The following SHLD1 variants were observed in gnomAD, a reference collection of about 807,000 sequenced individuals.
SHLD1 encodes the protein RINN1-REV7-interacting novel NHEJ regulator 3.
In SHLD1, 3 loss-of-function variants were observed where a neutral mutation model predicts 5.5. The observed-to-expected ratio is 0.54, with a 90% CI of 0.25 to 1.40. The LOEUF (loss-of-function observed/expected upper bound fraction) is 1.40, where lower values mean the gene tolerates loss of function less well. Ranked by LOEUF, SHLD1 falls within the 40% of genes most tolerant of loss-of-function variation. The pLI is 0.15. For missense variants in SHLD1, 210 were observed against 244.4 expected (o/e 0.86, Z 0.94); for synonymous variants, 92 against 94.3 (o/e 0.98, Z 0.14).
At chr20:5,834,336 G>A (rs1395093577) in intron 2 of SHLD1, among the ~76,000 whole-genome samples, 1 of 152,120 alleles carries the variant, frequency 6.6e-6, no homozygotes, top group Admixed American at 6.6e-5. Context: ...AGAGAAATTA[G>A]CATGTGTGAC....
intron 2 of SHLD1, among the ~76,000 whole-genome samples, chr20:5,789,576 TAAAAAA>T (rs58405557): frequency 3.5e-5 from 4 of 113,352 alleles, no homozygotes; most frequent in Admixed American, 9.2e-5. Flanking sequence ...AAACTTGATC[TAAAAAA>T]AAAAAAAAAA....
intron 2 of SHLD1, among the ~76,000 whole-genome samples, chr20:5,852,838 T>TCAAG (rs2088029841): frequency 1.3e-5 from 2 of 152,232 alleles, no homozygotes; most frequent in Non-Finnish European, 2.9e-5. Context: ...TATGTCAGTC[T>TCAAG]TTAGGAAATA....
At chr20:5,782,138 C>A (rs1381196352) in intron 2 of SHLD1, among the ~76,000 whole-genome samples, 1 of 152,158 alleles carries the variant, frequency 6.6e-6, no homozygotes, top group Non-Finnish European at 1.5e-5. Flanking sequence ...ATTAATTAGT[C>A]CCAGGTACAG....
At chr20:5,812,950 C>T (rs2087479637) in intron 2 of SHLD1, among the ~76,000 whole-genome samples, 1 of 152,026 alleles carries the variant, frequency 6.6e-6, no homozygotes, top group Admixed American at 6.5e-5. Flanking sequence ...TCGTGGCTTA[C>T]CACAGCCTCA....
chr20:5,854,853 G>A (rs1378844345), intron 2 of SHLD1, among the ~76,000 whole-genome samples: 1 of 126,980 alleles, frequency 7.9e-6, no homozygotes, highest in Non-Finnish European at 1.6e-5. Context: ...CCACCATTCT[G>A]TTTTCTGTCT....
intron 1 of SHLD1, chr20:5,756,634 T>G: frequency 5.9e-6 from 1 of 169,058 alleles, no homozygotes; most frequent in Non-Finnish European, 1.3e-5. Flanking sequence ...CTTTATTCAT[T>G]CTATAAGATT....
In SHLD1 at chr20:5,838,853, T is replaced by C. The variant is rs149227303; in HGVS notation, c.179-24171T>C. Among the ~76,000 whole-genome samples, 27 of 152,342 alleles carry C rather than the reference T, an allele frequency of 1.8e-4. No homozygotes were observed. In the East Asian group the frequency reaches 5.2e-3, roughly 29 times the overall value. On this transcript the variant is annotated intron_variant, in intron 2 of 2. Transcript: ENST00000303142. ...TTCTGTGTACATGTCACTGATAGTT[T>C]GATGTGCATTTGATTAATATTAAAT...
chr20:5,759,775 A>G (rs1397651507), intron 1 of SHLD1, among the ~76,000 whole-genome samples: 1 of 152,062 alleles, frequency 6.6e-6, no homozygotes, highest in African/African-American at 2.4e-5. Flanking sequence ...TATTGGGCTC[A>G]AGCAATCTAC....
At chr20:5,853,430 A>G (rs538277033) in intron 2 of SHLD1, among the ~76,000 whole-genome samples, 1 of 152,312 alleles carries the variant, frequency 6.6e-6, no homozygotes, top group East Asian at 1.9e-4. Flanking sequence ...TGAGCGACAG[A>G]TCGAGACTCC....
At chr20:5,817,007 T>A (rs540380586) in intron 2 of SHLD1, among the ~76,000 whole-genome samples, 55 of 152,252 alleles carry the variant, frequency 3.6e-4, no homozygotes, top group African/African-American at 1.3e-3. Context: ...TGATGGAGGC[T>A]ACAGTGAGCC....
chr20:5,819,536 T>C (rs1049815051), intron 2 of SHLD1, among the ~76,000 whole-genome samples: 3 of 152,164 alleles, frequency 2.0e-5, no homozygotes, highest in Admixed American at 1.3e-4. Flanking sequence ...TAAAACATCA[T>C]GTAGGCCAGT....
intron 2 of SHLD1, among the ~76,000 whole-genome samples, chr20:5,856,044 T>C (rs1211723332): frequency 3.3e-5 from 5 of 152,224 alleles, no homozygotes; most frequent in African/African-American, 7.2e-5. Flanking sequence ...ACAGATCTAC[T>C]TGTATATGTG....
At chr20:5,767,838 T>TA (rs1268254911) in intron 1 of SHLD1, among the ~76,000 whole-genome samples, 2 of 152,184 alleles carry the variant, frequency 1.3e-5, no homozygotes, top group Non-Finnish European at 2.9e-5. Context: ...AGAGCTTAAT[T>TA]AAAGAGTCTT....
intron 2 of SHLD1, among the ~76,000 whole-genome samples, chr20:5,833,248 G>GT (rs1477492185): frequency 2.0e-5 from 3 of 152,140 alleles, no homozygotes; most frequent in Non-Finnish European, 2.9e-5. Flanking sequence ...ATATTTATTT[G>GT]TTTTTTAATA....
At chr20:5,836,590 C>T (rs900852520) in intron 2 of SHLD1, among the ~76,000 whole-genome samples, 3 of 152,194 alleles carry the variant, frequency 2.0e-5, no homozygotes, top group East Asian at 1.9e-4. Flanking sequence ...CCCGGATATT[C>T]GCATTGCCCG....
At chr20:5,804,357 A>C (rs540089424) in intron 2 of SHLD1, among the ~76,000 whole-genome samples, 4 of 151,374 alleles carry the variant, frequency 2.6e-5, no homozygotes, top group Non-Finnish European at 4.4e-5. Context: ...AAAACTATAT[A>C]TATATATACA....
rs1474194363 is a variant in SHLD1, at chr20:5,810,415, C to A, written c.178+37372C>A. Among the ~76,000 whole-genome samples, 4 of 152,078 alleles carry A rather than the reference C, an allele frequency of 2.6e-5. 1 individual carries two copies. In the South Asian group the frequency reaches 8.3e-4, roughly 32 times the overall value. ...TTATTGCCTCTAATTAGCTATGGGA[C>A]CTTCCGAGCCATTTAATTATCTTTT... is the stretch of plus-strand genomic sequence containing the variant. On this transcript the variant is annotated intron_variant, in intron 2 of 2. Coordinates refer to ENST00000303142, the MANE Select transcript of SHLD1 (RefSeq NM_152504.4).
chr20:5,801,691 G>A (rs970253419), intron 2 of SHLD1, among the ~76,000 whole-genome samples: 1 of 152,130 alleles, frequency 6.6e-6, no homozygotes, highest in East Asian at 1.9e-4. Context: ...AGATGGGAGT[G>A]GCTCCTGAAG....
chr20:5,860,035 C>T (rs1158674355), intron 2 of SHLD1, among the ~76,000 whole-genome samples: 1 of 152,152 alleles, frequency 6.6e-6, no homozygotes, highest in Non-Finnish European at 1.5e-5. Flanking sequence ...TCAACTTTCC[C>T]AGTGTTGTTG....
Sources: gnomAD v4.1 joint callset for allele counts (sites outside exome capture counted in the v4.1 genomes callset) on GRCh38, gnomAD v4.1.1 for gene constraint, MANE v1.5 for transcripts, NCBI Gene and HGNC (gene_info 2026-07-23, HGNC 2026-07-21) for gene names.